TTC28: variants seen among roughly 807,000 people sequenced by gnomAD.
TTC28 encodes the protein tetratricopeptide repeat protein 28.
Under a neutral mutation model 198.0 loss-of-function variants are expected in TTC28, and 61 were observed. The observed-to-expected ratio is 0.31, with a 90% confidence interval of 0.25 to 0.38. The LOEUF is 0.38. TTC28 is among the 10% of genes least tolerant of loss of function. The pLI, the probability that TTC28 is intolerant of heterozygous loss-of-function variation, is 1.00. For missense variants in TTC28, 2,678 were observed against 3,164.0 expected, an observed-to-expected ratio of 0.85 and a Z score of 3.69; for synonymous variants, 1,171 against 1,297.8, an observed-to-expected ratio of 0.90 and a Z score of 2.10.
chr22:28,567,841 T>C (rs1056852410), intron 2 of TTC28, among the ~76,000 whole-genome samples: 9 of 151,700 alleles, frequency 5.9e-5, no homozygotes, highest in Non-Finnish European at 1.3e-4. Context: ...GATTTTAAGA[T>C]GAAAAACTGC....
intron 13 of TTC28, among the ~76,000 whole-genome samples, chr22:28,018,335 G>T (rs1938464318): frequency 6.7e-6 from 1 of 149,560 alleles, no homozygotes; most frequent in African/African-American, 2.5e-5. Flanking sequence ...CCTGTCCCTA[G>T]AGAGATCCTT....
chr22:28,060,796 C>A (rs962381651), intron 12 of TTC28, among the ~76,000 whole-genome samples: 4 of 152,106 alleles, frequency 2.6e-5, no homozygotes, highest in Non-Finnish European at 4.4e-5. Context: ...GTTCCTATTT[C>A]TCCACATCCT....
intron 2 of TTC28, among the ~76,000 whole-genome samples, chr22:28,616,846 C>CA (rs111378415): frequency 0.15 from 19,697 of 132,270 alleles, 1,500 homozygotes; most frequent in African/African-American, 0.21. Flanking sequence ...GACCCTGTCT[C>CA]AAAAAAAAAA....
intron 5 of TTC28, among the ~76,000 whole-genome samples, chr22:28,234,731 G>A (rs182261437): frequency 2.0e-4 from 31 of 152,226 alleles, no homozygotes; most frequent in African/African-American, 7.2e-4. Context: ...CCCTTGGAGT[G>A]TTTATCTATA....
At chr22:28,458,328 C>T (rs1052015395) in intron 2 of TTC28, among the ~76,000 whole-genome samples, 1 of 152,084 alleles carries the variant, frequency 6.6e-6, no homozygotes, top group Non-Finnish European at 1.5e-5. Context: ...AAGTTCAAAA[C>T]TTAAGAAAGT....
At chr22:28,295,099 C>A (rs1016205188) in intron 5 of TTC28, among the ~76,000 whole-genome samples, 1 of 152,160 alleles carries the variant, frequency 6.6e-6, no homozygotes, top group Non-Finnish European at 1.5e-5. Flanking sequence ...GTTCAGGTAA[C>A]TCTCTAGAGA....
Position 28,483,982 on chromosome 22 carries a change from A to C in TTC28, c.381+145570T>G, listed in dbSNP as rs1268218393. ...GTAGGTAAGAGGGTTGCATTTTTTCATAATTTATAATTCGACTCCGTAAAG... is the reference window on the plus strand; with the variant it reads ...GTAGGTAAGAGGGTTGCATTTTTTCCTAATTTATAATTCGACTCCGTAAAG... On this transcript the variant is annotated intron_variant, in intron 2 of 22. Coordinates refer to ENST00000397906, the MANE Select transcript of TTC28 (RefSeq NM_001145418.2). Among the ~76,000 whole-genome samples the C allele has an allele frequency of 2.6e-5, 4 of 152,222 alleles. No homozygotes were observed. In the East Asian group the frequency reaches 7.7e-4, roughly 29 times the overall value.
At chr22:28,436,269 T>C (rs1205329649) in intron 2 of TTC28, among the ~76,000 whole-genome samples, 1 of 152,242 alleles carries the variant, frequency 6.6e-6, no homozygotes, top group Non-Finnish European at 1.5e-5. Flanking sequence ...AAGATCACTG[T>C]GCATCTCATC....
At chr22:28,401,232 T>C (rs571005796) in intron 2 of TTC28, among the ~76,000 whole-genome samples, 11 of 151,388 alleles carry the variant, frequency 7.3e-5, no homozygotes, top group South Asian at 2.1e-4. Flanking sequence ...ACGACGACGA[T>C]GACGACGACG....
chr22:28,282,355 C>T (rs1392172493), intron 5 of TTC28, among the ~76,000 whole-genome samples: 2 of 152,132 alleles, frequency 1.3e-5, no homozygotes, highest in South Asian at 2.1e-4. Flanking sequence ...CATTGCTGCA[C>T]TTTTTGTCTT....
chr22:28,285,216 A>G (rs999349115), intron 5 of TTC28, among the ~76,000 whole-genome samples: 1 of 152,252 alleles, frequency 6.6e-6, no homozygotes, highest in African/African-American at 2.4e-5. Context: ...TTCAGCCATA[A>G]AAGGAAATCC....
At chr22:28,386,152 G>A (rs1485499276) in intron 2 of TTC28, among the ~76,000 whole-genome samples, 1 of 149,552 alleles carries the variant, frequency 6.7e-6, no homozygotes, top group Non-Finnish European at 1.5e-5. Context: ...GCGGGCGCCT[G>A]TAGTCCTAGC....
In TTC28 at chr22:28,297,614, A is replaced by G; in HGVS notation, c.768T>C (p.Tyr256=). The part of the protein sequence containing the change: ...SLGNTEKSTG[Y]MQQDLDVAKT... ...TGGCTACATCCAAGTCCTGCTGCAT[A>G]TATCCGGTGCTCTTCTCTGTATTTC... Residue 256 remains tyrosine (Y), a synonymous_variant, in exon 4 of 23, where the codon TAT becomes TAC. Coordinates refer to ENST00000397906, the MANE Select transcript of TTC28 (RefSeq NM_001145418.2). 6.4e-7 allele frequency: 1 copy of G among 1,551,652 alleles called. No individual in the cohort carries two copies. The highest frequency in any genetic ancestry group is 8.7e-7 in the Non-Finnish European group (1 of 1,146,976).
intron 5 of TTC28, among the ~76,000 whole-genome samples, chr22:28,166,892 T>C (rs976006030): frequency 6.6e-6 from 1 of 152,076 alleles, no homozygotes; most frequent in Non-Finnish European, 1.5e-5. Context: ...GAGCTGGTTT[T>C]TGAAAAGATC....
At chr22:28,459,329 G>A (rs2047913241) in intron 2 of TTC28, among the ~76,000 whole-genome samples, 1 of 152,080 alleles carries the variant, frequency 6.6e-6, no homozygotes, top group South Asian at 2.1e-4. Flanking sequence ...TACTCAGGAT[G>A]CTGAAGTGGG....
intron 5 of TTC28, among the ~76,000 whole-genome samples, chr22:28,188,081 G>A (rs1924376039): frequency 6.6e-6 from 1 of 152,144 alleles, no homozygotes; most frequent in Non-Finnish European, 1.5e-5. Context: ...CTCCAAACTC[G>A]CTCACAGTTT....
intron 13 of TTC28, among the ~76,000 whole-genome samples, chr22:28,024,506 C>T (rs1286799102): frequency 1.3e-5 from 2 of 152,186 alleles, no homozygotes; most frequent in African/African-American, 2.4e-5. Flanking sequence ...CCCACTGGAA[C>T]TCCTGTGACT....
intron 2 of TTC28, among the ~76,000 whole-genome samples, chr22:28,447,308 C>A (rs1028598144): frequency 6.6e-6 from 1 of 152,000 alleles, no homozygotes; most frequent in Non-Finnish European, 1.5e-5. Flanking sequence ...TTAAAAGGGG[C>A]AACTGCTAAG....
At chr22:28,250,038 G>T (rs1057461574) in intron 5 of TTC28, among the ~76,000 whole-genome samples, 1 of 152,170 alleles carries the variant, frequency 6.6e-6, no homozygotes, top group Non-Finnish European at 1.5e-5. Flanking sequence ...ACATTAGAGA[G>T]GTGTCTAATG....
Sources: gnomAD v4.1 joint callset for allele counts (sites outside exome capture counted in the v4.1 genomes callset) on GRCh38, gnomAD v4.1.1 for gene constraint, MANE v1.5 for transcripts, NCBI Gene and HGNC (gene_info 2026-07-23, HGNC 2026-07-21) for gene names.